LARGE1: variants seen among roughly 807,000 people sequenced by gnomAD.
The protein encoded by LARGE1 is LARGE xylosyl- and glucuronyltransferase 1.
In LARGE1, 43 loss-of-function variants were observed where a neutral mutation model predicts 87.6. The observed-to-expected ratio is 0.49, with a 90% CI of 0.38 to 0.63. The LOEUF is 0.63. LARGE1 is among the 30% of genes least tolerant of loss of function. LARGE1 has a pLI of 0.00. For synonymous variants in LARGE1, 434 were observed against 394.6 expected (o/e 1.10, Z -1.18); for missense variants, 802 against 1,000.2 (o/e 0.80, Z 2.67).
rs10567981 is a variant in LARGE1 at position 33,676,372 on chromosome 22, C to CAAA, written c.107-25707_107-25705dup. ...ACATCATATGTTACAGATTCAATGG[C>CAAA]AAAAAAAAAAAAAAAAAAAAAAAAA... On this transcript the variant is annotated intron_variant, in intron 2 of 14. Transcript: ENST00000397394. Among the ~76,000 whole-genome samples, 159 of 16,334 alleles carry CAAA rather than the reference C, an allele frequency of 9.7e-3. 27 individuals are homozygous for CAAA. Among genetic ancestry groups the CAAA allele is most frequent in the Non-Finnish European group, 0.015 (108 of 7,224 alleles). 10.7% of individuals were successfully genotyped at this position (16,334 alleles called of 152,430 possible). A position where few individuals can be genotyped will look rare whatever the true frequency, so the allele number is the denominator to read the frequency against.
chr22:33,189,225 A>G (rs1308631939), intron 11 of LARGE1, among the ~76,000 whole-genome samples: 1 of 152,178 alleles, frequency 6.6e-6, no homozygotes, highest in Non-Finnish European at 1.5e-5. Flanking sequence ...AAGAATTAGC[A>G]CAGCCATGCC....
At chr22:33,174,204 A>G (rs1474164903) in intron 11 of LARGE1, among the ~76,000 whole-genome samples, 2 of 152,202 alleles carry the variant, frequency 1.3e-5, no homozygotes, top group Non-Finnish European at 2.9e-5. Flanking sequence ...AAACCACACA[A>G]CTACATGAAA....
At chr22:33,890,898 T>C (rs532982552) in intron 1 of LARGE1, among the ~76,000 whole-genome samples, 1 of 152,238 alleles carries the variant, frequency 6.6e-6, no homozygotes, top group African/African-American at 2.4e-5. Flanking sequence ...ATGACTTTAC[T>C]GGGCATAGCT....
At chr22:33,642,226 T>C (rs1326916415) in intron 3 of LARGE1, among the ~76,000 whole-genome samples, 1 of 152,202 alleles carries the variant, frequency 6.6e-6, no homozygotes, top group Admixed American at 6.5e-5. Context: ...GGGATCAATA[T>C]TCAACATTCT....
At chr22:33,850,092 A>ATGGTC (rs1303645746) in intron 1 of LARGE1, among the ~76,000 whole-genome samples, 1 of 152,136 alleles carries the variant, frequency 6.6e-6, no homozygotes, top group Admixed American at 6.5e-5. Context: ...GGAGGACCAT[A>ATGGTC]CTTCTGTTGC....
chr22:33,254,391 T>C (rs1015809252), intron 11 of LARGE1, among the ~76,000 whole-genome samples: 9 of 152,168 alleles, frequency 5.9e-5, no homozygotes, highest in African/African-American at 2.2e-4. Flanking sequence ...GTTGAAGAGG[T>C]TGTGGTTTGG....
Position 33,273,283 on chromosome 22 carries a change from C to G in LARGE1, c.*1144G>C, listed in dbSNP as rs942424468. 2 of 398,042 alleles carry G rather than the reference C, an allele frequency of 5.0e-6. No individual in the cohort carries two copies. The highest frequency in any genetic ancestry group is 8.9e-6 in the Non-Finnish European group (2 of 225,972). 24.7% of individuals were successfully genotyped at this position (398,042 alleles called of 1,614,324 possible). ...GTGAAGGTGAAGGTGGTTGCCTACC[C>G]TTGGACAGGTCCCAAAGGGAGACTG... On this transcript the variant is annotated 3_prime_UTR_variant, in exon 15 of 15. Transcript: ENST00000397394.
At chr22:33,650,243 ACCCGGGCTAGAATCAAGAATG>A in intron 3 of LARGE1, 103 bp downstream of exon 3, 1 of 1,219,050 alleles carries the variant, frequency 8.2e-7, no homozygotes, top group Non-Finnish European at 1.2e-6. Flanking sequence ...AGACTTACAC[ACCCGGGCTAGAATCAAGAATG>A]CCAGCTCTTG....
chr22:33,821,220 T>C (rs2086804453), intron 1 of LARGE1, among the ~76,000 whole-genome samples: 1 of 152,104 alleles, frequency 6.6e-6, no homozygotes, highest in Non-Finnish European at 1.5e-5. Context: ...ATGCTGTCAC[T>C]TCCTAAGCAC....
chr22:33,246,506 C>T (rs747596089), intron 11 of LARGE1, among the ~76,000 whole-genome samples: 9 of 152,054 alleles, frequency 5.9e-5, no homozygotes, highest in African/African-American at 1.4e-4. Flanking sequence ...ATTAGCCAGG[C>T]GTGGTGGTGC....
At chr22:33,158,013 A>G (rs551050911), downstream of LARGE1, among the ~76,000 whole-genome samples, 24 of 152,270 alleles carry the variant, frequency 1.6e-4, no homozygotes, top group East Asian at 4.6e-3. Context: ...TGCAAAATAT[A>G]TTCTTCATTT....
intron 1 of LARGE1, among the ~76,000 whole-genome samples, chr22:33,789,489 A>G (rs1361641973): frequency 6.6e-6 from 1 of 152,166 alleles, no homozygotes; most frequent in African/African-American, 2.4e-5. Context: ...GAGCTGTGAG[A>G]AGAGGGCCAC....
intron 11 of LARGE1, among the ~76,000 whole-genome samples, chr22:33,253,736 A>C (rs1927119818): frequency 6.6e-6 from 1 of 151,970 alleles, no homozygotes; most frequent in Non-Finnish European, 1.5e-5. Context: ...CTCGTGCAGC[A>C]CTCTAGAGTA....
chr22:33,381,852 A>G (rs947531094), intron 9 of LARGE1, 67 bp downstream of exon 9: 1 of 1,596,378 alleles, frequency 6.3e-7, no homozygotes, highest in Non-Finnish European at 8.6e-7. Context: ...CCAGCCATCC[A>G]TGCCCCTGGG....
chr22:33,414,279 G>C (rs928375971), intron 7 of LARGE1, among the ~76,000 whole-genome samples: 7 of 152,116 alleles, frequency 4.6e-5, no homozygotes, highest in Non-Finnish European at 8.8e-5. Context: ...TAGAGGCAAA[G>C]AATAGAATCA....
chr22:33,547,320 C>T (rs1204190614), intron 6 of LARGE1, among the ~76,000 whole-genome samples: 1 of 151,696 alleles, frequency 6.6e-6, no homozygotes, highest in African/African-American at 2.4e-5. Flanking sequence ...GTGCATGCAA[C>T]CTAGATCCCT....
chr22:33,080,281 A>G, the LARGE1 span, among the ~76,000 whole-genome samples: 1 of 152,158 alleles, frequency 6.6e-6, no homozygotes, highest in Non-Finnish European at 1.5e-5. Context: ...GTAAGTTGGT[A>G]TATATGTGTA....
intron 9 of LARGE1, among the ~76,000 whole-genome samples, chr22:33,352,774 A>G (rs531681637): frequency 4.4e-4 from 67 of 152,040 alleles, no homozygotes; most frequent in African/African-American, 1.6e-3. Flanking sequence ...GACCCCCACC[A>G]AAAAAAAGAT....
chr22:33,198,654 C>T (rs898746957), intron 11 of LARGE1, among the ~76,000 whole-genome samples: 1 of 146,154 alleles, frequency 6.8e-6, no homozygotes, highest in African/African-American at 2.7e-5. Flanking sequence ...CACACACACA[C>T]ACACACACAC....
Sources: allele counts gnomAD v4.1 joint callset (sites outside exome capture counted in the v4.1 genomes callset), GRCh38; gene constraint gnomAD v4.1.1; transcripts MANE v1.5; gene names NCBI Gene and HGNC (gene_info 2026-07-23, HGNC 2026-07-21).